Variants in NAV1 observed in about 807,000 individuals in gnomAD.
NAV1 encodes pore membrane and/or filament interacting like protein 3.
In NAV1, 18 loss-of-function variants were observed where a neutral mutation model predicts 175.2. The ratio of observed to expected loss-of-function variants is 0.10; its 90% CI spans 0.07 to 0.15. NAV1 has a LOEUF of 0.15. Among genes scored for constraint, NAV1 ranks in the 10% least tolerant of loss-of-function variants. The probability of loss-of-function intolerance (pLI) is 1.00; values close to 1 mark genes in which losing one functional copy is unlikely to be tolerated. For synonymous variants in NAV1, 897 were observed against 978.7 expected, an observed-to-expected ratio of 0.92 and a Z score of 1.56; for missense variants, 1,731 against 2,436.6, an observed-to-expected ratio of 0.71 and a Z score of 6.10.
upstream of NAV1, among the ~76,000 whole-genome samples, chr1:201,645,956 T>C (rs1668965580): frequency 6.6e-6 from 1 of 152,222 alleles, no homozygotes; most frequent in South Asian, 2.1e-4. Context: ...GTAGAAGTGA[T>C]GGCTTGTGAC....
At position 201,561,590 on chromosome 1, in the gene NAV1, C is replaced by A. The variant is rs1666201177; in HGVS notation, c.-144+22248C>A. 1.3e-5 allele frequency among the ~76,000 whole-genome samples: 2 copies of A among 152,218 alleles called. 1 individual carries two copies. The highest frequency in any genetic ancestry group is 4.1e-4 in the South Asian group (2 of 4,830). ...AGTTAGTTTCCTTCACTTCCATTAT[C>A]CATGTTTCTAGATTTTTCTTCTGAG... On this transcript the variant is annotated intron_variant, in intron 1 of 33. Transcript: ENST00000685211.
In NAV1 at chr1:201,790,583, G is replaced by A. The variant is rs1270540303; in HGVS notation, c.3243+6G>A. 1.2e-6 allele frequency: 2 copies of A among 1,614,078 alleles called. No individual in the cohort carries two copies. The highest frequency in any genetic ancestry group is 1.1e-5 in the South Asian group (1 of 91,076). The stretch of plus-strand genomic sequence containing the variant: ...AGGAGAGGATGCAATCTGAGGTAGG[G>A]TGGAAAGCCTTTGTCTCTGCTTGTT... On this transcript the variant is annotated splice_donor_region_variant and intron_variant, in intron 12 of 29. Coordinates refer to ENST00000367296, the Ensembl canonical transcript of NAV1.
intron 2 of NAV1, among the ~76,000 whole-genome samples, chr1:201,633,892 G>A (rs1668544381): frequency 1.3e-5 from 2 of 152,216 alleles, no homozygotes; most frequent in South Asian, 4.1e-4. Flanking sequence ...GGTCTCTGGA[G>A]ACTCTGTTGG....
upstream of NAV1, chr1:201,648,196 G>GGGCT (rs564215880): frequency 1.2e-5 from 12 of 985,230 alleles, no homozygotes; most frequent in East Asian, 1.1e-4. Context: ...GCCTCGACTC[G>GGGCT]GGCTGGCTGG....
chr1:201,632,073 C>T (rs952533060), intron 2 of NAV1, among the ~76,000 whole-genome samples: 2 of 152,128 alleles, frequency 1.3e-5, no homozygotes, highest in African/African-American at 4.8e-5. Flanking sequence ...TCCCAATGTG[C>T]TTCTCTCTGT....
intron 1 of NAV1, among the ~76,000 whole-genome samples, chr1:201,583,138 T>A (rs952458520): frequency 2.0e-5 from 3 of 152,272 alleles, no homozygotes; most frequent in Admixed American, 6.5e-5. Flanking sequence ...CTACACCCTC[T>A]GGGGCTTGGC....
intron 1 of NAV1, among the ~76,000 whole-genome samples, chr1:201,576,591 A>C (rs1666697619): frequency 6.6e-6 from 1 of 152,182 alleles, no homozygotes; most frequent in South Asian, 2.1e-4. Flanking sequence ...AAAATAATAA[A>C]GCTAATATAT....
At chr1:201,804,382 C>T in intron 16 of NAV1, 107 bp from the exon 21 acceptor site, 1 of 1,188,096 alleles carries the variant, frequency 8.4e-7, no homozygotes, top group Non-Finnish European at 1.2e-6. Flanking sequence ...ACCCCCAGAC[C>T]TTTGTATAAT....
At chr1:201,697,590 T>C (rs1671244927) in intron 1 of NAV1, among the ~76,000 whole-genome samples, 1 of 152,240 alleles carries the variant, frequency 6.6e-6, no homozygotes, top group African/African-American at 2.4e-5. Flanking sequence ...CTCAGTCTCC[T>C]CATCTGTGAA....
At chr1:201,643,830 C>A (rs1340952435), upstream of NAV1, among the ~76,000 whole-genome samples, 1 of 152,160 alleles carries the variant, frequency 6.6e-6, no homozygotes, top group East Asian at 1.9e-4. Context: ...TTCCCCAGAC[C>A]CCCCACAGAC....
At chr1:201,747,625 G>A (rs527308319) in intron 3 of NAV1, among the ~76,000 whole-genome samples, 1 of 152,258 alleles carries the variant, frequency 6.6e-6, no homozygotes, top group African/African-American at 2.4e-5. Flanking sequence ...AGCAGTGCTT[G>A]AGTGGTTAAT....
rs563014714 is a variant in NAV1 at position 201,590,694 on chromosome 1, G to A, written c.-33+2045G>A. Among the ~76,000 whole-genome samples the A allele has an allele frequency of 5.9e-5, 9 of 152,342 alleles. No homozygotes were observed. In the East Asian group the frequency reaches 1.5e-3, roughly 26 times the overall value. ...GGCTTGCGCGCGGGGCCAGGAGTCA[G>A]AGCATCTAGGCCAGGAGCCAGTGGG... On this transcript the variant is annotated intron_variant, in intron 2 of 33. Transcript: ENST00000685211.
In NAV1 at chr1:201,617,132, G is replaced by C. The variant is rs12058313; in HGVS notation, c.-32-5721G>C. On this transcript the variant is annotated intron_variant, in intron 2 of 33. Coordinates refer to the NAV1 transcript ENST00000685211. ...GAGGTTAAGTGAAATTTCAGATCAG[G>C]GTACTTAGAAGGAGAAAGAACAAAG... is the stretch of plus-strand genomic sequence containing the variant. Among the ~76,000 whole-genome samples, 548 of 151,958 alleles carry C rather than the reference G, an allele frequency of 3.6e-3. 6 individuals are homozygous for C. The highest frequency in any genetic ancestry group is 9.2e-3 in the African/African-American group (380 of 41,432).
intron 3 of NAV1, among the ~76,000 whole-genome samples, chr1:201,744,345 T>TATTTATTC (rs1553264474): frequency 4.6e-4 from 64 of 138,306 alleles, no homozygotes; most frequent in African/African-American, 1.3e-3. Flanking sequence ...TTTATTTATT[T>TATTTATTC]ATTCATTCAT....
intron 3 of NAV1, among the ~76,000 whole-genome samples, chr1:201,760,052 G>A (rs758455154): frequency 3.9e-5 from 6 of 152,192 alleles, no homozygotes; most frequent in African/African-American, 9.7e-5. Flanking sequence ...GAACTTAAAC[G>A]AGGATGGGGC....
chr1:201,559,806 G>T (rs1039235353), intron 1 of NAV1, among the ~76,000 whole-genome samples: 1 of 152,210 alleles, frequency 6.6e-6, no homozygotes, highest in African/African-American at 2.4e-5. Context: ...TGTCTGCATG[G>T]CCTTGCATCT....
rs757893413 is a variant in NAV1, at chr1:201,721,882, G to A, written c.1226+3127G>A. 1.2e-4 allele frequency among the ~76,000 whole-genome samples: 18 copies of A among 152,040 alleles called. 1 individual carries two copies. Among genetic ancestry groups the A allele is most frequent in the Admixed American group, 7.9e-4 (12 of 15,254 alleles). On this transcript the variant is annotated intron_variant, in intron 3 of 29. Coordinates refer to ENST00000367296, the Ensembl canonical transcript of NAV1. The stretch of plus-strand genomic sequence containing the variant: ...TCTGCGGGGGGATCATCCCTTTGAC[G>A]GCTCTTCCCAAGCCCCTGTTCAGTC...
chr1:201,598,227 T>C (rs1417960448), intron 2 of NAV1, among the ~76,000 whole-genome samples: 2 of 152,102 alleles, frequency 1.3e-5, no homozygotes, highest in South Asian at 2.1e-4. Flanking sequence ...GGAGGATGAA[T>C]AGAAATTAGC....
Position 201,787,790 on chromosome 1 carries a change from G to C in NAV1, c.2996-678G>C. The C allele has an allele frequency of 2.2e-6, 1 of 448,670 alleles. No homozygotes were observed. The highest frequency in any genetic ancestry group is 1.6e-5 in the South Asian group (1 of 63,462). The allele number at this position is 448,670 out of a possible 1,614,324, so 27.8% of individuals were successfully genotyped here. A position where few individuals can be genotyped will look rare whatever the true frequency, so the allele number is the denominator to read the frequency against. Reference sequence around the variant, plus strand: ...AGGGGTAAGGCATCTGCAGGTTAACGGGATTCAGCTGAACCCAGCTTCAAA... The same window carrying C: ...AGGGGTAAGGCATCTGCAGGTTAACCGGATTCAGCTGAACCCAGCTTCAAA... On this transcript the variant is annotated intron_variant, in intron 9 of 29. Coordinates refer to ENST00000367296, the Ensembl canonical transcript of NAV1. This position sits in a 1 kb window ranked among gnomAD's most constrained non-coding sequence, Gnocchi z 4.3.
Sources: gnomAD v4.1 joint callset for allele counts (sites outside exome capture counted in the v4.1 genomes callset) on GRCh38, gnomAD v4.1.1 for gene constraint, Gnocchi (gnomAD v3.1) non-coding constraint, MANE v1.5 for transcripts, NCBI Gene and HGNC (gene_info 2026-07-23, HGNC 2026-07-21) for gene names.